UNC79: variants seen among roughly 807,000 people sequenced by gnomAD.
UNC79 encodes the protein protein unc-79 homolog.
Under a neutral mutation model 283.1 loss-of-function variants are expected in UNC79, and 37 were observed. That is an observed-to-expected ratio of 0.13 (90% confidence interval 0.10 to 0.17). UNC79 has a LOEUF of 0.17. Among genes scored for constraint, UNC79 ranks in the 10% least tolerant of loss-of-function variants. The pLI, the probability that UNC79 is intolerant of heterozygous loss-of-function variation, is 1.00. For missense variants in UNC79, 2,272 were observed against 3,211.1 expected, an observed-to-expected ratio of 0.71 and a Z score of 7.07; for synonymous variants, 1,107 against 1,200.2, an observed-to-expected ratio of 0.92 and a Z score of 1.61.
At chr14:93,608,897 G>A (rs2066089122) in intron 26 of UNC79, among the ~76,000 whole-genome samples, 1 of 152,134 alleles carries the variant, frequency 6.6e-6, no homozygotes, top group African/African-American at 2.4e-5. Context: ...TCAGACATTG[G>A]CCCCTATTCT....
intron 1 of UNC79, among the ~76,000 whole-genome samples, chr14:93,354,857 G>A (rs762870499): frequency 5.9e-4 from 90 of 152,194 alleles, no homozygotes; most frequent in Middle Eastern, 3.4e-3. Context: ...TTTTGAACAG[G>A]AAAGGGTTAG....
chr14:93,566,657 G>C (rs950293108), intron 14 of UNC79, among the ~76,000 whole-genome samples: 1 of 57,400 alleles, frequency 1.7e-5, no homozygotes, highest in Middle Eastern at 0.01. Flanking sequence ...TTTTTTTTTT[G>C]AGACGGAATC....
intron 22 of UNC79, among the ~76,000 whole-genome samples, chr14:93,591,266 C>T (rs184265403): frequency 3.4e-4 from 52 of 152,230 alleles, no homozygotes; most frequent in East Asian, 7.8e-4. Flanking sequence ...CTTCTCTTAC[C>T]GGTGCAGCAT....
At chr14:93,633,196 T>C (rs10135985) in intron 31 of UNC79, among the ~76,000 whole-genome samples, 113,366 of 152,114 alleles carry the variant, frequency 0.75, 43,053 homozygotes, top group African/African-American at 0.89. Flanking sequence ...TTTTACCAAT[T>C]AGTGGCAAAA....
intron 14 of UNC79, among the ~76,000 whole-genome samples, chr14:93,558,973 C>A (rs1040255047): frequency 1.3e-5 from 2 of 152,156 alleles, no homozygotes; most frequent in African/African-American, 4.8e-5. Context: ...GATACAGACT[C>A]TGGACCCATG....
At position 93,482,757 on chromosome 14, in the gene UNC79, C is replaced by T. The variant is rs2058205261; in HGVS notation, c.620-4906C>T. Among the ~76,000 whole-genome samples, 3 of 152,202 alleles carry T rather than the reference C, an allele frequency of 2.0e-5. 1 individual carries two copies. In the South Asian group the frequency reaches 6.2e-4, roughly 31 times the overall value. ...TTCATTGGGGCCAGTCCAGTAGCTT[C>T]CGAACTGGTCTCCCTGCTTCCCTTT... On this transcript the variant is annotated intron_variant, in intron 4 of 48. Transcript: ENST00000555664.
intron 5 of UNC79, among the ~76,000 whole-genome samples, chr14:93,493,498 T>C (rs919038179): frequency 8.5e-5 from 13 of 152,172 alleles, no homozygotes; most frequent in Admixed American, 7.2e-4. Context: ...AAGGAGGTCA[T>C]TGCATTTGCG....
At chr14:93,538,309 C>A in intron 12 of UNC79, 91 bp downstream of exon 12, 1 of 1,276,908 alleles carries the variant, frequency 7.8e-7, no homozygotes, top group Non-Finnish European at 1.1e-6. Flanking sequence ...TTTAATGCAA[C>A]CTCAAATGCC....
intron 11 of UNC79, among the ~76,000 whole-genome samples, chr14:93,532,936 T>C (rs1595772248): frequency 6.6e-6 from 1 of 152,296 alleles, no homozygotes; most frequent in East Asian, 1.9e-4. Flanking sequence ...AAATCTCAAT[T>C]GTTTTGAAGT....
intron 34 of UNC79, among the ~76,000 whole-genome samples, chr14:93,644,647 C>T (rs1233411398): frequency 6.6e-6 from 1 of 152,102 alleles, no homozygotes; most frequent in African/African-American, 2.4e-5. Context: ...GAGGAGGTAG[C>T]ACAAGAACTG....
intron 34 of UNC79, among the ~76,000 whole-genome samples, chr14:93,644,708 T>C (rs1423344576): frequency 1.3e-5 from 2 of 152,208 alleles, no homozygotes; most frequent in Non-Finnish European, 2.9e-5. Context: ...TGACTCTTAA[T>C]GTTGCTAAAA....
chr14:93,359,920 G>A (rs1374228643), intron 1 of UNC79, among the ~76,000 whole-genome samples: 1 of 152,156 alleles, frequency 6.6e-6, no homozygotes, highest in East Asian at 1.9e-4. Flanking sequence ...GGGTAACTGT[G>A]CACTGGGGAA....
Position 93,688,983 on chromosome 14 carries a change from C to G in UNC79, c.7085+143C>G. ...TGGTTAGGAAGATGGAAATCAGATC[C>G]CATCTCCTTACGTACTTGCTGACCC... is the stretch of plus-strand genomic sequence containing the variant. On this transcript the variant is annotated intron_variant, in intron 44 of 48. Coordinates refer to ENST00000555664, the Ensembl canonical transcript of UNC79. This position sits in a 1 kb window ranked among gnomAD's most constrained non-coding sequence, Gnocchi z 4.0. The G allele has an allele frequency of 1.1e-6, 1 of 904,130 alleles. No homozygotes were observed. The allele number at this position is 904,130 out of a possible 1,614,324, so 56.0% of individuals were successfully genotyped here.
intron 1 of UNC79, among the ~76,000 whole-genome samples, chr14:93,398,722 T>G (rs2055046200): frequency 6.6e-6 from 1 of 151,934 alleles, no homozygotes; most frequent in African/African-American, 2.4e-5. Context: ...CACAGAAGGG[T>G]TTTAGAGAAG....
At chr14:93,376,004 A>G (rs2054551116) in intron 1 of UNC79, among the ~76,000 whole-genome samples, 1 of 152,166 alleles carries the variant, frequency 6.6e-6, no homozygotes, top group Non-Finnish European at 1.5e-5. Flanking sequence ...GGGACTCTGC[A>G]GAAAGTCCCC....
intron 7 of UNC79, among the ~76,000 whole-genome samples, chr14:93,513,060 T>A (rs1285408560): frequency 6.6e-6 from 1 of 152,172 alleles, no homozygotes; most frequent in Non-Finnish European, 1.5e-5. Flanking sequence ...CCTTCTTGCA[T>A]CAAGGCTTAG....
chr14:93,587,491 T>C (rs2064304182), intron 22 of UNC79, among the ~76,000 whole-genome samples: 3 of 152,192 alleles, frequency 2.0e-5, no homozygotes, highest in Non-Finnish European at 4.4e-5. Flanking sequence ...AAGGAAAAGA[T>C]TGGTTCAGGT....
chr14:93,354,077 G>T (rs1032518615), intron 1 of UNC79, among the ~76,000 whole-genome samples: 55 of 152,178 alleles, frequency 3.6e-4, no homozygotes, highest in South Asian at 1.5e-3. Flanking sequence ...ATGAAGAATG[G>T]GGGAAAAAAA....
chr14:93,599,981 C>A (rs907107685), intron 24 of UNC79, among the ~76,000 whole-genome samples: 18 of 151,890 alleles, frequency 1.2e-4, no homozygotes, highest in Non-Finnish European at 2.2e-4. Flanking sequence ...GAGGGCAGAT[C>A]ACGAGGTCAG....
Sources: allele counts gnomAD v4.1 joint callset (sites outside exome capture counted in the v4.1 genomes callset), GRCh38; gene constraint gnomAD v4.1.1; non-coding constraint Gnocchi (gnomAD v3.1); transcripts MANE v1.5; gene names NCBI Gene and HGNC (gene_info 2026-07-23, HGNC 2026-07-21).